The following MCEE variants were observed in gnomAD, a reference collection of about 807,000 sequenced individuals.
MCEE encodes methylmalonyl-CoA epimerase.
In MCEE, 6 loss-of-function variants were observed where a neutral mutation model predicts 12.9. That is an observed-to-expected ratio of 0.47 (90% confidence interval 0.26 to 0.92). The LOEUF (loss-of-function observed/expected upper bound fraction) is 0.92. Among genes scored for constraint, MCEE ranks in the 40% least tolerant of loss-of-function variants. The probability of loss-of-function intolerance (pLI) is 0.16; values close to 1 mark genes in which losing one functional copy is unlikely to be tolerated. For missense variants in MCEE, 214 were observed against 212.1 expected, an observed-to-expected ratio of 1.01 and a Z score of -0.05; for synonymous variants, 78 against 77.9, an observed-to-expected ratio of 1.00 and a Z score of -0.01.
At chr2:71,111,647 C>T (rs779188638) in intron 2 of MCEE, among the ~76,000 whole-genome samples, 4 of 152,170 alleles carry the variant, frequency 2.6e-5, no homozygotes, top group Admixed American at 1.3e-4. Flanking sequence ...AAAGGTACTA[C>T]AGATCTTTAG....
In MCEE at chr2:71,109,926, T is replaced by C. The variant is rs1273595562; in HGVS notation, c.*44A>G. On this transcript the variant is annotated 3_prime_UTR_variant, in exon 3 of 3. Coordinates refer to ENST00000244217, the MANE Select transcript of MCEE (RefSeq NM_032601.4). ...CATAGTACATTTTGATAGTATTTGATAGGCTTTTTCAGGTCAATTAATTTA... is the reference window on the plus strand; with the variant it reads ...CATAGTACATTTTGATAGTATTTGACAGGCTTTTTCAGGTCAATTAATTTA... 2 of 1,603,774 alleles carry C rather than the reference T, an allele frequency of 1.2e-6. No individual in the cohort carries two copies. The highest frequency in any genetic ancestry group is 1.3e-5 in the African/African-American group (1 of 74,766).
intron 2 of MCEE, among the ~76,000 whole-genome samples, chr2:71,123,515 G>C: frequency 6.8e-6 from 1 of 147,206 alleles, no homozygotes; most frequent in Admixed American, 6.8e-5. Context: ...AAAAAGAAAA[G>C]AAAAAGAAAT....
intron 2 of MCEE, among the ~76,000 whole-genome samples, chr2:71,113,076 A>G (rs1044868190): frequency 6.6e-6 from 1 of 152,246 alleles, no homozygotes; most frequent in African/African-American, 2.4e-5. Flanking sequence ...GAAGACAAAT[A>G]TAACTACCAC....
chr2:71,125,212 T>TATATATATATATATATATATATA (rs1553440375), intron 1 of MCEE, among the ~76,000 whole-genome samples: 1 of 33,618 alleles, frequency 3.0e-5, no homozygotes. Context: ...TATATATATA[T>TATATATATATATATATATATATA]TTTTTTTTTT....
At chr2:71,129,641 C>CTT (rs1415030394) in intron 1 of MCEE, 1 of 156,284 alleles carries the variant, frequency 6.4e-6, no homozygotes, top group Non-Finnish European at 1.4e-5. Context: ...AATCCACATG[C>CTT]TTTTATCTGT....
intron 2 of MCEE, among the ~76,000 whole-genome samples, chr2:71,119,072 C>T (rs1002197913): frequency 3.3e-5 from 5 of 150,016 alleles, no homozygotes; most frequent in African/African-American, 5.1e-5. Context: ...TACCTGAAGT[C>T]TTCAGGAAGG....
chr2:71,124,479 CAAGGGCTGTGATGTGGAAGA>C lies in MCEE; in HGVS notation c.85_104del (p.Ser29GlyfsTer31). 1 of 1,614,108 alleles carries C rather than the reference CAAGGGCTGTGATGTGGAAGA, an allele frequency of 6.2e-7. No individual in the cohort carries two copies. The highest frequency in any genetic ancestry group is 8.5e-7 in the Non-Finnish European group (1 of 1,180,026). On this transcript the variant is annotated frameshift_variant, in exon 2 of 3. Transcript: ENST00000244217. LOFTEE classifies it high-confidence loss of function. Reference sequence around the variant, plus strand: ...TCCACACAGAACCTGTCACTTGATCCAAGGGCTGTGATGTGGAAGAAGCTCTTACTGTTGGAATGGGAGCT... The same window carrying C: ...TCCACACAGAACCTGTCACTTGATCCAGCTCTTACTGTTGGAATGGGAGCT...
At position 71,112,199 on chromosome 2, in the gene MCEE, C is replaced by T. The variant is rs547481586; in HGVS notation, c.379-2077G>A. Among the ~76,000 whole-genome samples the T allele has an allele frequency of 3.2e-4, 48 of 151,048 alleles. 1 individual carries two copies. Among genetic ancestry groups the T allele is most frequent in the African/African-American group, 1.0e-3 (42 of 41,100 alleles). ...TCACCCAGGCTGGAGTGTAGTAGTG[C>T]GATCTCAGCTCACTGCAACCCCTGC... On this transcript the variant is annotated intron_variant, in intron 2 of 2. Transcript: ENST00000244217.
intron 1 of MCEE, among the ~76,000 whole-genome samples, chr2:71,125,211 A>ATATATATATTT: frequency 6.2e-5 from 3 of 48,610 alleles, no homozygotes; most frequent in East Asian, 4.1e-4. Flanking sequence ...ATATATATAT[A>ATATATATATTT]TTTTTTTTTT....
rs374146517 is a variant in MCEE at position 71,110,119 on chromosome 2, C to T, written c.382G>A (p.Asp128Asn). 3 of 1,611,902 alleles carry T rather than the reference C, an allele frequency of 1.9e-6. No homozygotes were observed. Among genetic ancestry groups the T allele is most frequent in the East Asian group, 4.5e-5 (2 of 44,832 alleles). ...TCCATCACAGCTGCATTAATATTAT[C>T]CACCTTAAGAAAGGGAAATAAATTG... ...GGMHHICIEV[D>N]NINAAVMDLK... Residue 128 changes from aspartate (D) to asparagine (N), a missense_variant, in exon 3 of 3, where the codon GAT (aspartate) becomes AAT (asparagine). Asp to Asn is a conservative substitution (Grantham distance 23). Coordinates refer to ENST00000244217, the MANE Select transcript of MCEE (RefSeq NM_032601.4).
chr2:71,125,211 A>ATATATATATATATATTTTTTTTT, intron 1 of MCEE, among the ~76,000 whole-genome samples: 10 of 48,580 alleles, frequency 2.1e-4, no homozygotes, highest in Admixed American at 3.3e-4. Context: ...ATATATATAT[A>ATATATATATATATATTTTTTTTT]TTTTTTTTTT....
At chr2:71,126,238 T>TTTAC (rs200798550) in intron 1 of MCEE, among the ~76,000 whole-genome samples, 6,179 of 152,282 alleles carry the variant, frequency 0.041, 375 homozygotes, top group African/African-American at 0.13. Context: ...TTATTATTTA[T>TTTAC]TTATTTTGAG....
rs1239227111 is a variant in MCEE at position 71,124,215 on chromosome 2, G to A, written c.369C>T (p.Ile123=). 7 of 1,610,634 alleles carry A rather than the reference G, an allele frequency of 4.3e-6. No homozygotes were observed. In the Admixed American group the frequency reaches 1.2e-4, roughly 27 times the overall value. Residue 123 remains isoleucine (I), a synonymous_variant, in exon 2 of 3, where the codon ATC becomes ATT. Coordinates refer to ENST00000244217, the MANE Select transcript of MCEE (RefSeq NM_032601.4). ...QKNKAGGMHH[I]CIEVDNINAA... ...AAAATAATTAAAATACCTCGATGCA[G>A]ATGTGATGCATTCCTCCAGCCTTGT...
chr2:71,109,919 T>C lies in MCEE; in HGVS notation c.*51A>G. The C allele has an allele frequency of 2.5e-6, 4 of 1,590,404 alleles. No individual in the cohort carries two copies. Among genetic ancestry groups the C allele is most frequent in the Non-Finnish European group, 2.6e-6 (3 of 1,162,938 alleles). On this transcript the variant is annotated 3_prime_UTR_variant, in exon 3 of 3. Transcript: ENST00000244217. ...TCAATGTCATAGTACATTTTGATAGTATTTGATAGGCTTTTTCAGGTCAAT... is the reference window on the plus strand; with the variant it reads ...TCAATGTCATAGTACATTTTGATAGCATTTGATAGGCTTTTTCAGGTCAAT...
At chr2:71,122,655 A>C (rs1304018287) in intron 2 of MCEE, among the ~76,000 whole-genome samples, 1 of 152,168 alleles carries the variant, frequency 6.6e-6, no homozygotes, top group East Asian at 1.9e-4. Flanking sequence ...TCACTATCAC[A>C]AGAACAGCAC....
rs6748672 is a variant in MCEE at position 71,124,273 on chromosome 2, C to A, written c.311G>T (p.Arg104Leu). 279,765 of 1,613,596 alleles carry A rather than the reference C, an allele frequency of 0.17. 25,168 individuals are homozygous for A. Among genetic ancestry groups the A allele is most frequent in the African/African-American group, 0.22 (16,488 of 74,984 alleles). Reference sequence around the variant, plus strand: ...CAGAAAACCTGCAATTGGACTGTCACGTCCCAATGGATGAAGCAGTTCCAT... The same window carrying A: ...CAGAAAACCTGCAATTGGACTGTCAAGTCCCAATGGATGAAGCAGTTCCAT... ...TKMELLHPLG[R>L]DSPIAGFLQK... The change falls in exon 2 of 3, where the codon CGT becomes CTT. Residue 104 changes from arginine (R) to leucine (L), a missense_variant. Physicochemically the swap from Arg to Leu is moderately radical, Grantham distance 102. Coordinates refer to ENST00000244217, the MANE Select transcript of MCEE (RefSeq NM_032601.4).
chr2:71,122,195 G>A (rs192075683), intron 2 of MCEE, among the ~76,000 whole-genome samples: 2 of 152,234 alleles, frequency 1.3e-5, no homozygotes, highest in Admixed American at 1.3e-4. Context: ...GTGTGATCAC[G>A]GCTCACTACA....
At chr2:71,125,211 A>ATATATATATTTTTTTTTTT in intron 1 of MCEE, among the ~76,000 whole-genome samples, 1 of 48,592 alleles carries the variant, frequency 2.1e-5, no homozygotes, top group African/African-American at 6.0e-5. Flanking sequence ...ATATATATAT[A>ATATATATATTTTTTTTTTT]TTTTTTTTTT....
Position 71,109,959 on chromosome 2 carries a change from G to A in MCEE, c.*11C>T, listed in dbSNP as rs1672852350. ...TTCAGGTCAATTAATTTAGTTGCTTGCAAATATAAATCAAGCTTGCTCCAG... is the reference window on the plus strand; with the variant it reads ...TTCAGGTCAATTAATTTAGTTGCTTACAAATATAAATCAAGCTTGCTCCAG... On this transcript the variant is annotated 3_prime_UTR_variant, in exon 3 of 3. Coordinates refer to ENST00000244217, the MANE Select transcript of MCEE (RefSeq NM_032601.4). 6.2e-7 allele frequency: 1 copy of A among 1,612,716 alleles called. No individual in the cohort carries two copies. The highest frequency in any genetic ancestry group is 1.1e-5 in the South Asian group (1 of 91,060).
Sources: allele counts gnomAD v4.1 joint callset (sites outside exome capture counted in the v4.1 genomes callset), GRCh38; gene constraint gnomAD v4.1.1; transcripts MANE v1.5; gene names NCBI Gene and HGNC (gene_info 2026-07-23, HGNC 2026-07-21).